Variants in TMEM156 observed in about 807,000 individuals in gnomAD.
TMEM156 encodes transmembrane protein 156.
A neutral mutation model predicts 30.5 loss-of-function variants in TMEM156; 28 were observed. That is an observed-to-expected ratio of 0.92 (90% CI 0.68 to 1.26). The LOEUF is 1.26. TMEM156 is among the 50% of genes most tolerant of loss of function. The probability of loss-of-function intolerance (pLI) is 0.00; values close to 1 mark genes in which losing one functional copy is unlikely to be tolerated. For synonymous variants in TMEM156, 137 were observed against 119.9 expected, an observed-to-expected ratio of 1.14 and a Z score of -0.93; for missense variants, 351 against 340.6, an observed-to-expected ratio of 1.03 and a Z score of -0.24.
chr4:39,002,192 A>G (rs563571035), intron 1 of TMEM156, among the ~76,000 whole-genome samples: 1 of 149,144 alleles, frequency 6.7e-6, no homozygotes, highest in East Asian at 2.0e-4. Flanking sequence ...TACAAGAAAA[A>G]AACAAACAAC....
intron 1 of TMEM156, among the ~76,000 whole-genome samples, chr4:39,026,458 T>G (rs1715211019): frequency 6.6e-6 from 1 of 152,170 alleles, no homozygotes; most frequent in Admixed American, 6.5e-5. Flanking sequence ...CAAGGATTGT[T>G]GGTAGGTATT....
intron 5 of TMEM156, among the ~76,000 whole-genome samples, chr4:38,980,185 TAAAA>T (rs780451036): frequency 1.8e-5 from 2 of 112,414 alleles, no homozygotes; most frequent in Non-Finnish European, 3.9e-5. Context: ...CCAGATTAAC[TAAAA>T]AAAAAAAAAA....
At chr4:38,997,295 G>A (rs1186387651) in intron 2 of TMEM156, among the ~76,000 whole-genome samples, 1 of 152,226 alleles carries the variant, frequency 6.6e-6, no homozygotes, top group Non-Finnish European at 1.5e-5. Context: ...GCAGAGGGGT[G>A]AGGGTTGGAA....
intron 3 of TMEM156, among the ~76,000 whole-genome samples, chr4:38,991,903 G>A (rs561897346): frequency 2.0e-5 from 3 of 152,084 alleles, no homozygotes; most frequent in South Asian, 4.2e-4. Flanking sequence ...TCAATCAGAG[G>A]GAACTGATCC....
intron 1 of TMEM156, 117 bp from the exon 2 acceptor site, chr4:38,999,026 A>T: frequency 2.9e-6 from 2 of 678,382 alleles, no homozygotes; most frequent in Admixed American, 3.4e-5. Flanking sequence ...ATTTCAGCTT[A>T]TCAGAGACAA....
In TMEM156 at chr4:38,988,947, T is replaced by A; in HGVS notation, c.643A>T (p.Thr215Ser). 2 of 1,611,882 alleles carry A rather than the reference T, an allele frequency of 1.2e-6. No homozygotes were observed. Among genetic ancestry groups the A allele is most frequent in the Non-Finnish European group, 8.5e-7 (1 of 1,178,294 alleles). The part of the protein sequence containing the change: ...IKNITCSMKI[T>S]WYILVLLVFI... ...ACTAATAGAACTAAAATATACCAAG[T>A]GATCTTCATGGAACAAGTGATATCT... The change falls in exon 4 of 7, where the codon ACT becomes TCT. Residue 215 changes from threonine (T) to serine (S), a missense_variant. Transcript: ENST00000381938.
rs1429266952 is a variant in TMEM156 at position 39,001,230 on chromosome 4, AG to A, written c.89-2322del. Among the ~76,000 whole-genome samples the A allele has an allele frequency of 5.9e-3, 841 of 143,596 alleles. 8 individuals are homozygous for A. Among genetic ancestry groups the A allele is most frequent in the Admixed American group, 0.014 (207 of 14,400 alleles). 94.2% of individuals were successfully genotyped at this position (143,596 alleles called of 152,430 possible). ...CTAAAAATACAAAAAAAAAAAAAAA[AG>A]AAAAAATTAGCTGGGCATGGTGGCG... is the stretch of plus-strand genomic sequence containing the variant. On this transcript the variant is annotated intron_variant, in intron 1 of 6. Coordinates refer to ENST00000381938, the MANE Select transcript of TMEM156 (RefSeq NM_024943.3).
At position 38,971,226 on chromosome 4, in the gene TMEM156, A is replaced by G. The variant is rs1028376907; in HGVS notation, c.824-89T>C. The G allele has an allele frequency of 3.3e-6, 4 of 1,226,012 alleles. No homozygotes were observed. The African/African-American group carries it at 6.0e-5, about 18-fold the overall frequency. The allele number at this position is 1,226,012 out of a possible 1,614,324, so 75.9% of individuals were successfully genotyped here. On this transcript the variant is annotated intron_variant, in intron 5 of 6. Coordinates refer to ENST00000381938, the MANE Select transcript of TMEM156 (RefSeq NM_024943.3). ...TCTAATGTAGTAAGAGTAGCAAGAG[A>G]AGCATGCTCTACCTCTAGAAAGGAT...
intron 5 of TMEM156, among the ~76,000 whole-genome samples, chr4:38,982,916 G>C (rs759121849): frequency 7.2e-5 from 11 of 152,340 alleles, no homozygotes; most frequent in Middle Eastern, 3.4e-3. Flanking sequence ...GGACATGTCA[G>C]GGGTGATGAC....
In TMEM156 at chr4:38,993,261, C is replaced by T. The variant is rs147998261; in HGVS notation, c.619+477G>A. Among the ~76,000 whole-genome samples, 740 of 152,064 alleles carry T rather than the reference C, an allele frequency of 4.9e-3. 3 individuals are homozygous for T. The highest frequency in any genetic ancestry group is 0.017 in the African/African-American group (695 of 41,498). ...CCTGGGCAACATGACAAGACCCCGT[C>T]TCTACTAAAAATACAAAAAATTAAC... On this transcript the variant is annotated intron_variant, in intron 3 of 6. Coordinates refer to ENST00000381938, the MANE Select transcript of TMEM156 (RefSeq NM_024943.3).
chr4:38,987,563 C>T (rs1358379383), intron 4 of TMEM156, among the ~76,000 whole-genome samples: 1 of 152,188 alleles, frequency 6.6e-6, no homozygotes, highest in Non-Finnish European at 1.5e-5. Context: ...CTTGTTCTGC[C>T]TACTGAAATG....
intron 1 of TMEM156, among the ~76,000 whole-genome samples, chr4:39,012,359 A>G (rs1356924168): frequency 6.6e-6 from 1 of 152,216 alleles, no homozygotes; most frequent in South Asian, 2.1e-4. Context: ...TCAGACCAAA[A>G]TATCAATAGC....
chr4:38,974,205 C>T (rs1224527838), intron 5 of TMEM156, among the ~76,000 whole-genome samples: 4 of 127,738 alleles, frequency 3.1e-5, no homozygotes, highest in Non-Finnish European at 1.7e-5. Context: ...CTTTCTTTCT[C>T]TCTTTTTTTT....
At chr4:39,001,454 T>C (rs945444817) in intron 1 of TMEM156, among the ~76,000 whole-genome samples, 1 of 151,160 alleles carries the variant, frequency 6.6e-6, no homozygotes, top group Non-Finnish European at 1.5e-5. Flanking sequence ...ATGTAGCATC[T>C]TCACCATTTC....
rs61732938 is a variant in TMEM156 at position 39,032,231 on chromosome 4, G to T, written c.83C>A (p.Pro28Gln). ...ILILPEYFKT[P>Q]KERTLELSCL... Reference sequence around the variant, plus strand: ...GATTACAATTATATACTCACCTTTCGGTGTCTTGAAATATTCCGGCAAAAT... The same window carrying T: ...GATTACAATTATATACTCACCTTTCTGTGTCTTGAAATATTCCGGCAAAAT... Residue 28 changes from proline to glutamine, a missense_variant, in exon 1 of 7, where the codon CCG becomes CAG. Physicochemically the swap from Pro to Gln is moderately conservative, Grantham distance 76 (BLOSUM62 -1). Transcript: ENST00000381938. The T allele has an allele frequency of 2.5e-5, 39 of 1,584,912 alleles. No homozygotes were observed. Among genetic ancestry groups the T allele is most frequent in the Non-Finnish European group, 3.1e-5 (36 of 1,156,578 alleles).
rs527762163 is a variant in TMEM156, at chr4:39,021,828, T to C, written c.88+10398A>G. On this transcript the variant is annotated intron_variant, in intron 1 of 6. Coordinates refer to ENST00000381938, the MANE Select transcript of TMEM156 (RefSeq NM_024943.3). ...TTTTGTACATGGTGTGAAATGAGTC[T>C]GATTACATTCTTCTGTGCTTACTCA... Among the ~76,000 whole-genome samples the C allele has an allele frequency of 2.2e-4, 33 of 152,244 alleles. 1 individual carries two copies. The highest frequency in any genetic ancestry group is 1.2e-3 in the Admixed American group (18 of 15,284).
intron 1 of TMEM156, among the ~76,000 whole-genome samples, chr4:39,002,219 C>T (rs765817356): frequency 0.019 from 2,799 of 150,520 alleles, 89 homozygotes; most frequent in African/African-American, 0.064. Context: ...AAAAAGTGGG[C>T]GAAGGACATG....
At position 38,990,831 on chromosome 4, in the gene TMEM156, T is replaced by C. The variant is rs1230045438; in HGVS notation, c.620-1861A>G. ...TTTGTTTTTTTGGTTTGTTTTCTGG[T>C]TTTTTTTTTTTTTTTTTTTTTTGAG... On this transcript the variant is annotated intron_variant, in intron 3 of 6. Transcript: ENST00000381938. Among the ~76,000 whole-genome samples, 3 of 79,438 alleles carry C rather than the reference T, an allele frequency of 3.8e-5. No homozygotes were observed. The East Asian group carries it at 8.8e-4, about 23-fold the overall frequency. 52.1% of individuals were successfully genotyped at this position (79,438 alleles called of 152,430 possible).
At chr4:39,012,889 G>A (rs1463229628) in intron 1 of TMEM156, among the ~76,000 whole-genome samples, 3 of 151,786 alleles carry the variant, frequency 2.0e-5, no homozygotes, top group African/African-American at 7.3e-5. Context: ...GCAGTGAGCC[G>A]AGATCACGCC....
Sources: gnomAD v4.1 joint callset for allele counts (sites outside exome capture counted in the v4.1 genomes callset) on GRCh38, gnomAD v4.1.1 for gene constraint, MANE v1.5 for transcripts, NCBI Gene and HGNC (gene_info 2026-07-23, HGNC 2026-07-21) for gene names.